Variants in AP3M1 observed in about 807,000 individuals in gnomAD.
The protein encoded by AP3M1 is adaptor related protein complex 3 subunit mu 1.
Under a neutral mutation model 42.6 loss-of-function variants are expected in AP3M1, and 29 were observed. The ratio of observed to expected loss-of-function variants is 0.68; its 90% CI spans 0.51 to 0.93. The LOEUF (loss-of-function observed/expected upper bound fraction) is 0.93. AP3M1 is among the 40% of genes least tolerant of loss of function. The pLI is 0.00. For missense variants in AP3M1, 416 were observed against 510.2 expected (o/e 0.82, Z 1.78); for synonymous variants, 178 against 175.3 (o/e 1.02, Z -0.12).
chr10:74,137,688 T>C (rs1036058111), intron 2 of AP3M1, among the ~76,000 whole-genome samples: 1 of 152,238 alleles, frequency 6.6e-6, no homozygotes, highest in African/African-American at 2.4e-5. Context: ...ACATAACTTA[T>C]ACACATCCTC....
At chr10:74,148,703 C>T (rs1841410931) in intron 1 of AP3M1, among the ~76,000 whole-genome samples, 2 of 152,042 alleles carry the variant, frequency 1.3e-5, no homozygotes, top group Admixed American at 6.6e-5. Flanking sequence ...ACTACAACCA[C>T]ATGCCACAAA....
intron 2 of AP3M1, 41 bp downstream of exon 2, chr10:74,138,066 C>G: frequency 6.3e-7 from 1 of 1,581,640 alleles, no homozygotes. Context: ...CTTCAGCTAA[C>G]TTGGGTCATT....
rs189262733 is a variant in AP3M1 at position 74,122,514 on chromosome 10, T to C, written c.*1296A>G. The C allele has an allele frequency of 2.0e-5, 3 of 152,264 alleles. No homozygotes were observed. The highest frequency in any genetic ancestry group is 4.4e-5 in the Non-Finnish European group (3 of 68,014). The allele number at this position is 152,264 out of a possible 1,614,324, so 9.4% of individuals were successfully genotyped here. A position where few individuals can be genotyped will look rare whatever the true frequency, so the allele number is the denominator to read the frequency against. Reference sequence around the variant, plus strand: ...ACCAAGATGAAGAAGTTAAATAAAATGTCACAATGAAATTGAGTGCAATAA... The same window carrying C: ...ACCAAGATGAAGAAGTTAAATAAAACGTCACAATGAAATTGAGTGCAATAA... On this transcript the variant is annotated 3_prime_UTR_variant, in exon 9 of 9. Transcript: ENST00000355264.
chr10:74,128,253 T>TA (rs1840678388), intron 6 of AP3M1, among the ~76,000 whole-genome samples: 1 of 151,886 alleles, frequency 6.6e-6, no homozygotes, highest in Admixed American at 6.6e-5. Flanking sequence ...AATTTTTTTT[T>TA]TTTTTGAGAT....
intron 1 of AP3M1, among the ~76,000 whole-genome samples, chr10:74,140,077 G>T (rs1016568175): frequency 1.3e-5 from 2 of 152,198 alleles, no homozygotes; most frequent in Non-Finnish European, 2.9e-5. Flanking sequence ...CAGGGTGCTT[G>T]GGAGCAGGGA....
In AP3M1 at chr10:74,126,198, T is replaced by C. The variant is rs768710477; in HGVS notation, c.961A>G (p.Met321Val). 5 of 1,614,112 alleles carry C rather than the reference T, an allele frequency of 3.1e-6. No individual in the cohort carries two copies. Among genetic ancestry groups the C allele is most frequent in the Non-Finnish European group, 4.2e-6 (5 of 1,180,046 alleles). ...CTGCCTTGTGTGGGTGTCAGGTTCA[T>C]GTTCAGCACAACTTTTGGCATGTGA... ...TVHMPKVVLN[M>V]NLTPTQGSYT... is the part of the protein sequence containing the mutation. Residue 321 changes from methionine to valine, a missense_variant, in exon 7 of 9, where the codon ATG becomes GTG. Coordinates refer to ENST00000355264, the MANE Select transcript of AP3M1 (RefSeq NM_012095.6).
chr10:74,133,883 G>A, intron 4 of AP3M1, 144 bp downstream of exon 4: 2 of 900,716 alleles, frequency 2.2e-6, no homozygotes, highest in Non-Finnish European at 1.6e-6. Flanking sequence ...CTCGAACTCT[G>A]ACCTCATGTT....
Position 74,129,216 on chromosome 10 carries a change from C to G in AP3M1, c.695G>C (p.Ser232Thr). ...CTTGAACCGGATGCAGGGGTGAAAG[C>G]TGACATCATCCAGAAGCCTAGGGTT... ...FMNPRLLDDV[S>T]FHPCIRFKRW... Residue 232 changes from serine (S) to threonine (T), a missense_variant, in exon 6 of 9, where the codon AGC becomes ACC. By Grantham distance (58) the Ser-to-Thr change is moderately conservative. Coordinates refer to ENST00000355264, the MANE Select transcript of AP3M1 (RefSeq NM_012095.6). 1.2e-6 allele frequency: 2 copies of G among 1,614,046 alleles called. No individual in the cohort carries two copies.
At chr10:74,128,151 TTC>T (rs1840674713) in intron 6 of AP3M1, among the ~76,000 whole-genome samples, 3 of 151,024 alleles carry the variant, frequency 2.0e-5, no homozygotes, top group South Asian at 4.2e-4. Context: ...GAGAAATAAT[TTC>T]TCTGTTTTTG....
At chr10:74,147,724 G>C (rs1056009276) in intron 1 of AP3M1, among the ~76,000 whole-genome samples, 1 of 152,106 alleles carries the variant, frequency 6.6e-6, no homozygotes, top group Non-Finnish European at 1.5e-5. Flanking sequence ...TGGTGGGCTG[G>C]GTGCGGTGGC....
intron 4 of AP3M1, among the ~76,000 whole-genome samples, chr10:74,131,959 G>A (rs998082149): frequency 6.6e-6 from 1 of 152,302 alleles, no homozygotes; most frequent in Admixed American, 6.5e-5. Flanking sequence ...GTGTGACCTG[G>A]AACAGTTCAC....
chr10:74,130,056 A>C (rs1483938167), intron 4 of AP3M1, 64 bp from the exon 5 acceptor site: 2 of 1,048,294 alleles, frequency 1.9e-6, no homozygotes, highest in Non-Finnish European at 2.9e-6. Context: ...TAGACCTATC[A>C]CTGTATCTTT....
Position 74,120,562 on chromosome 10 carries a change from G to T in AP3M1, c.*3248C>A, listed in dbSNP as rs959443245. 1 of 152,360 alleles carries T rather than the reference G, an allele frequency of 6.6e-6. No individual in the cohort carries two copies. The highest frequency in any genetic ancestry group is 2.4e-5 in the African/African-American group (1 of 41,462). The allele number at this position is 152,360 out of a possible 1,614,324, so 9.4% of individuals were successfully genotyped here. Reference sequence around the variant, plus strand: ...AGACAGAGACTTGCTCTGTTGCCCAGGCTGCAGTGCAGTGGTGCAATCTCA... The same window carrying T: ...AGACAGAGACTTGCTCTGTTGCCCATGCTGCAGTGCAGTGGTGCAATCTCA... On this transcript the variant is annotated 3_prime_UTR_variant, in exon 9 of 9. Transcript: ENST00000355264.
intron 1 of AP3M1, among the ~76,000 whole-genome samples, chr10:74,149,232 T>C (rs980833698): frequency 1.4e-5 from 2 of 140,706 alleles, no homozygotes; most frequent in African/African-American, 2.6e-5. Context: ...AAATATAATC[T>C]TGTTGCAAAG....
At chr10:74,140,931 T>C (rs916846059) in intron 1 of AP3M1, among the ~76,000 whole-genome samples, 3 of 152,164 alleles carry the variant, frequency 2.0e-5, no homozygotes, top group African/African-American at 4.8e-5. Flanking sequence ...AGAAAAAATA[T>C]GCATAGATTT....
At chr10:74,124,586 CA>C in intron 7 of AP3M1, 62 bp from the exon 8 acceptor site, 2 of 1,386,168 alleles carry the variant, frequency 1.4e-6, no homozygotes, top group Non-Finnish European at 2.0e-6. Context: ...CCCTCAAAAA[CA>C]AAGTTCAAAG....
chr10:74,137,180 C>T (rs962270510), intron 2 of AP3M1, among the ~76,000 whole-genome samples: 11 of 152,166 alleles, frequency 7.2e-5, no homozygotes, highest in African/African-American at 2.4e-4. Context: ...GCGGAGGTTG[C>T]GGTGAGCCAA....
intron 1 of AP3M1, among the ~76,000 whole-genome samples, chr10:74,139,597 C>T (rs941174642): frequency 1.4e-5 from 2 of 145,830 alleles, no homozygotes. Context: ...GCCTGGCCAA[C>T]GTGCAGAAAC....
chr10:74,135,089 C>T (rs1840902359), intron 3 of AP3M1, among the ~76,000 whole-genome samples: 1 of 152,146 alleles, frequency 6.6e-6, no homozygotes, highest in Non-Finnish European at 1.5e-5. Flanking sequence ...GGTGTTCCTA[C>T]CTGCAACCTA....
Sources: allele counts gnomAD v4.1 joint callset (sites outside exome capture counted in the v4.1 genomes callset), GRCh38; gene constraint gnomAD v4.1.1; transcripts MANE v1.5; gene names NCBI Gene and HGNC (gene_info 2026-07-23, HGNC 2026-07-21).